Variants in ZZEF1 observed in about 807,000 individuals in gnomAD.
The protein encoded by ZZEF1 is zinc finger ZZ-type and EF-hand domain containing 1.
ZZEF1 carries 157 observed loss-of-function variants against 342.8 expected under a neutral mutation model. The observed-to-expected ratio is 0.46, with a 90% CI of 0.40 to 0.52. ZZEF1 has a LOEUF of 0.52. Ranked by LOEUF, ZZEF1 falls within the 20% of genes least tolerant of loss-of-function variation. The pLI, the probability that ZZEF1 is intolerant of heterozygous loss-of-function variation, is 0.00. For missense variants in ZZEF1, 3,480 were observed against 3,725.6 expected (o/e 0.93, Z 1.72); for synonymous variants, 1,505 against 1,429.1 (o/e 1.05, Z -1.20).
At chr17:4,074,465 C>G (rs1345007448) in intron 23 of ZZEF1, 114 bp from the exon 24 acceptor site, 2 of 1,114,862 alleles carry the variant, frequency 1.8e-6, no homozygotes, top group African/African-American at 1.5e-5. Context: ...TCTATTTCCA[C>G]ATGTCCAAAA....
intron 42 of ZZEF1, among the ~76,000 whole-genome samples, chr17:4,028,474 G>A (rs2056465917): frequency 6.7e-6 from 1 of 150,246 alleles, no homozygotes; most frequent in Non-Finnish European, 1.5e-5. Flanking sequence ...CTTGAACCCT[G>A]GGAGGTGGAG....
chr17:4,120,429 G>C lies in ZZEF1; in HGVS notation c.500-3263C>G, dbSNP rs1597921679. On this transcript the variant is annotated intron_variant, in intron 2 of 54. Coordinates refer to ENST00000381638, the MANE Select transcript of ZZEF1 (RefSeq NM_015113.4). ...TCTGTATGAGTCAGTGTTCTCCAGA[G>C]GGACAGAAATAATAGGATATATGTA... Among the ~76,000 whole-genome samples, 3 of 152,202 alleles carry C rather than the reference G, an allele frequency of 2.0e-5. No homozygotes were observed. The South Asian group carries it at 6.2e-4, about 32-fold the overall frequency.
chr17:4,096,083 C>A, intron 10 of ZZEF1, 104 bp from the exon 11 acceptor site: 3 of 1,252,406 alleles, frequency 2.4e-6, no homozygotes, highest in African/African-American at 1.5e-5. Flanking sequence ...AAAACGAGAC[C>A]AATGAAAAAT....
rs774335613 is a variant in ZZEF1, at chr17:4,049,827, G to A, written c.5896C>T (p.Pro1966Ser). The stretch of plus-strand genomic sequence containing the variant: ...TCTTCTAGGCTCGAGTCCCCATCTG[G>A]CAATACACCCAGCAAAGCTAGAGCT... ...LKALALLGVL[P>S]DGDSSLEDQA... is the part of the protein sequence containing the mutation. The change falls in exon 37 of 55, where the codon CCA becomes TCA. Residue 1966 changes from proline (P) to serine (S), a missense_variant. Around this residue, in one of 5 missense-constraint regions of ZZEF1, gnomAD observed 1,269 missense variants for 1,342.4 expected, o/e 0.95. Transcript: ENST00000381638. 5.0e-6 allele frequency: 8 copies of A among 1,614,152 alleles called. No individual in the cohort carries two copies. The South Asian group carries it at 6.6e-5, about 13-fold the overall frequency.
chr17:4,090,450 A>C (rs866303740), intron 12 of ZZEF1, among the ~76,000 whole-genome samples: 1 of 152,218 alleles, frequency 6.6e-6, no homozygotes, highest in African/African-American at 2.4e-5. Context: ...ATGACAACTT[A>C]ATCTTCAACA....
At position 4,075,323 on chromosome 17, in the gene ZZEF1, A is replaced by C; in HGVS notation, c.3341T>G (p.Val1114Gly). 6.2e-7 allele frequency: 1 copy of C among 1,614,242 alleles called. No homozygotes were observed. The change falls in exon 22 of 55, where the codon GTT becomes GGT. Residue 1114 changes from valine (V) to glycine (G), a missense_variant. Around this residue, in one of 5 missense-constraint regions of ZZEF1, gnomAD observed 1,528 missense variants for 1,624.1 expected, o/e 0.94. Transcript: ENST00000381638. ...TTCAAAATAGGTTGCCCCTGGGCTA[A>C]CAAAGACGGATACCTCATGGCAATT... ...ENNCHEVSVF[V>G]SPGATYFEVE...
Position 4,064,725 on chromosome 17 carries a change from G to A in ZZEF1, c.4354C>T (p.His1452Tyr), listed in dbSNP as rs1177461699. The A allele has an allele frequency of 1.2e-6, 2 of 1,614,126 alleles. No individual in the cohort carries two copies. Among genetic ancestry groups the A allele is most frequent in the Non-Finnish European group, 1.7e-6 (2 of 1,180,036 alleles). ...TGACGCTTGTTGAGTGGCTGGAGATGACTGGTTTCATCAGCAGTCTCCAAC... is the reference window on the plus strand; with the variant it reads ...TGACGCTTGTTGAGTGGCTGGAGATAACTGGTTTCATCAGCAGTCTCCAAC... Reference protein sequence around the residue: ...EKLETADETSHLQPLNKRQRT... With the variant: ...EKLETADETSYLQPLNKRQRT... The change falls in exon 29 of 55, where the codon CAT (histidine) becomes TAT (tyrosine). Residue 1452 changes from histidine (H) to tyrosine (Y), a missense_variant. Around this residue, in one of 5 missense-constraint regions of ZZEF1, gnomAD observed 1,528 missense variants for 1,624.1 expected, o/e 0.94. Coordinates refer to ENST00000381638, the MANE Select transcript of ZZEF1 (RefSeq NM_015113.4).
intron 39 of ZZEF1, among the ~76,000 whole-genome samples, chr17:4,036,348 G>A (rs8066065): frequency 4.3e-4 from 65 of 152,260 alleles, no homozygotes; most frequent in African/African-American, 1.5e-3. Context: ...TGTAGACTCC[G>A]CTAGAATTCC....
At chr17:4,076,203 C>T (rs2057615152) in intron 21 of ZZEF1, 1 of 139,416 alleles carries the variant, frequency 7.2e-6, no homozygotes, top group East Asian at 2.1e-4. Context: ...GCAATCTCGG[C>T]TCACTGCAAG....
intron 6 of ZZEF1, among the ~76,000 whole-genome samples, chr17:4,106,210 T>G (rs572910817): frequency 6.6e-6 from 1 of 152,332 alleles, no homozygotes; most frequent in African/African-American, 2.4e-5. Context: ...CCTCCCACAG[T>G]GCTATGATTA....
At chr17:4,010,883 A>G (rs1328688218) in intron 52 of ZZEF1, among the ~76,000 whole-genome samples, 1 of 152,114 alleles carries the variant, frequency 6.6e-6, no homozygotes, top group African/African-American at 2.4e-5. Context: ...AGTTGACCCT[A>G]TCAGCTTTCT....
chr17:4,008,905 TG>T lies in ZZEF1; in HGVS notation c.8782del (p.His2928ThrfsTer73). The T allele has an allele frequency of 6.5e-7, 1 of 1,546,006 alleles. No individual in the cohort carries two copies. The highest frequency in any genetic ancestry group is 8.7e-7 in the Non-Finnish European group (1 of 1,148,452). On this transcript the variant is annotated frameshift_variant, in exon 54 of 55. Transcript: ENST00000381638. LOFTEE classifies it high-confidence loss of function. The surrounding 1 kb of genome is among the most constrained non-coding windows in gnomAD (Gnocchi z 4.2). Reference sequence around the variant, plus strand: ...TACCTGTGCCGCACAGCGGAGAAGGTGGTCGTCCGTGGTTAGGGCCAGCAGG... The same window carrying T: ...TACCTGTGCCGCACAGCGGAGAAGGTGTCGTCCGTGGTTAGGGCCAGCAGG... ...DYLLALTTDD[H>X]LLRCAAQALQ...
At chr17:4,020,382 G>C (rs1234706318) in intron 45 of ZZEF1, among the ~76,000 whole-genome samples, 1 of 152,216 alleles carries the variant, frequency 6.6e-6, no homozygotes, top group Non-Finnish European at 1.5e-5. Flanking sequence ...TTGCATGTAT[G>C]CTCTGTGCCA....
At position 4,064,931 on chromosome 17, in the gene ZZEF1, G is replaced by A. The variant is rs1415333299; in HGVS notation, c.4250-102C>T. On this transcript the variant is annotated intron_variant, in intron 28 of 54. Transcript: ENST00000381638. ...ATTAGAGGATATACCTAATGTAAAT[G>A]ATGAGTTAATGGGTGCAGCACACCA... 18 of 866,870 alleles carry A rather than the reference G, an allele frequency of 2.1e-5. No homozygotes were observed. In the South Asian group the frequency reaches 2.5e-4, roughly 12 times the overall value. The allele number at this position is 866,870 out of a possible 1,614,324, so 53.7% of individuals were successfully genotyped here. A position where few individuals can be genotyped will look rare whatever the true frequency, so the allele number is the denominator to read the frequency against.
chr17:4,141,859 T>G (rs2058856793), intron 1 of ZZEF1, among the ~76,000 whole-genome samples: 1 of 152,262 alleles, frequency 6.6e-6, no homozygotes, highest in African/African-American at 2.4e-5. Flanking sequence ...GAAAATATTT[T>G]GTTGCCAAAT....
rs1339997661 is a variant in ZZEF1, at chr17:4,008,727, A to G, written c.8805+156T>C. On this transcript the variant is annotated intron_variant, in intron 54 of 54. Coordinates refer to ENST00000381638, the MANE Select transcript of ZZEF1 (RefSeq NM_015113.4). The surrounding 1 kb of genome is among the most constrained non-coding windows in gnomAD (Gnocchi z 4.2). ...TGGGGCTCGTGCATGCTCTCTGAGC[A>G]CCAGGAGGAAGTGACTGAACTGGAA... The G allele has an allele frequency of 7.1e-7, 1 of 1,415,672 alleles. No individual in the cohort carries two copies. Among genetic ancestry groups the G allele is most frequent in the Non-Finnish European group, 9.2e-7 (1 of 1,084,058 alleles). The allele number at this position is 1,415,672 out of a possible 1,614,324, so 87.7% of individuals were successfully genotyped here. A position where few individuals can be genotyped will look rare whatever the true frequency, so the allele number is the denominator to read the frequency against.
intron 1 of ZZEF1, among the ~76,000 whole-genome samples, chr17:4,138,008 T>C (rs187715333): frequency 3.3e-5 from 5 of 151,480 alleles, no homozygotes; most frequent in Non-Finnish European, 7.4e-5. Flanking sequence ...GAAGATAAAT[T>C]AGGTAAGGGA....
At chr17:4,019,610 T>A in intron 46 of ZZEF1, 59 bp downstream of exon 46, 1 of 1,496,266 alleles carries the variant, frequency 6.7e-7, no homozygotes, top group Non-Finnish European at 9.2e-7. Context: ...GCGCACACCC[T>A]CCCGCCCTCA....
intron 44 of ZZEF1, 113 bp from the exon 45 acceptor site, chr17:4,021,433 TGAA>T (rs2056267488): frequency 1.4e-6 from 1 of 704,892 alleles, no homozygotes; most frequent in Non-Finnish European, 2.2e-6. Context: ...AGAATCTACC[TGAA>T]GAATGTGAAA....
Sources: allele counts gnomAD v4.1 joint callset (sites outside exome capture counted in the v4.1 genomes callset), GRCh38; gene constraint gnomAD v4.1.1; regional missense constraint gnomAD v4.1.1; non-coding constraint Gnocchi (gnomAD v3.1); transcripts MANE v1.5; gene names NCBI Gene and HGNC (gene_info 2026-07-23, HGNC 2026-07-21).